The following DMRT1 variants were observed in gnomAD, a reference collection of about 807,000 sequenced individuals.
DMRT1 encodes doublesex- and mab-3-related transcription factor 1.
Under a neutral mutation model 32.3 loss-of-function variants are expected in DMRT1, and 7 were observed. The ratio of observed to expected loss-of-function variants is 0.22; its 90% CI spans 0.12 to 0.41. The LOEUF is 0.41. DMRT1 is among the 10% of genes least tolerant of loss of function. DMRT1 has a pLI of 1.00. For synonymous variants in DMRT1, 278 were observed against 206.1 expected (o/e 1.35, Z -2.99); for missense variants, 625 against 500.5 (o/e 1.25, Z -2.37).
intron 3 of DMRT1, among the ~76,000 whole-genome samples, chr9:909,223 A>G (rs1294564454): frequency 6.6e-6 from 1 of 152,142 alleles, no homozygotes; most frequent in East Asian, 1.9e-4. Flanking sequence ...CGCTGTGGGA[A>G]TCTGCTTGGG....
intron 4 of DMRT1, among the ~76,000 whole-genome samples, 182 bp from the exon 5 acceptor site, chr9:967,803 T>C (rs909586690): frequency 7.2e-5 from 11 of 152,242 alleles, no homozygotes; most frequent in Non-Finnish European, 1.2e-4. Context: ...TATTTTTTTA[T>C]TCTAAAGAAA....
intron 4 of DMRT1, among the ~76,000 whole-genome samples, chr9:955,726 T>G (rs965662450): frequency 6.6e-6 from 1 of 152,164 alleles, no homozygotes; most frequent in Non-Finnish European, 1.5e-5. Flanking sequence ...AGCAAAAAAC[T>G]AAATCCTGCG....
intron 4 of DMRT1, among the ~76,000 whole-genome samples, chr9:966,055 A>C (rs918625173): frequency 2.0e-5 from 3 of 152,212 alleles, no homozygotes; most frequent in African/African-American, 7.2e-5. Flanking sequence ...GGAAGCTCTT[A>C]GTCGGCTCTC....
intron 4 of DMRT1, among the ~76,000 whole-genome samples, chr9:943,390 G>GT (rs1819141119): frequency 6.6e-6 from 1 of 152,198 alleles, no homozygotes; most frequent in Non-Finnish European, 1.5e-5. Flanking sequence ...CTCCATGCAG[G>GT]TTGCTGTCAC....
At chr9:850,895 G>T (rs1839117122) in intron 2 of DMRT1, among the ~76,000 whole-genome samples, 1 of 152,028 alleles carries the variant, frequency 6.6e-6, no homozygotes, top group African/African-American at 2.4e-5. Context: ...TGGGCATGGT[G>T]GCACACGCCT....
intron 3 of DMRT1, among the ~76,000 whole-genome samples, chr9:901,906 T>C (rs1476493581): frequency 1.6e-5 from 2 of 127,432 alleles, no homozygotes; most frequent in Admixed American, 9.4e-5. Flanking sequence ...CAAGTGAAAC[T>C]AGCCCTTTTT....
chr9:853,475 ATT>A (rs1318941683), intron 2 of DMRT1, among the ~76,000 whole-genome samples: 3 of 144,382 alleles, frequency 2.1e-5, no homozygotes, highest in Admixed American at 6.9e-5. Context: ...TATTTAATTA[ATT>A]TTTTTTTTTT....
chr9:843,874 G>C (rs998510253), intron 1 of DMRT1, among the ~76,000 whole-genome samples: 25 of 152,194 alleles, frequency 1.6e-4, no homozygotes, highest in Non-Finnish European at 2.9e-4. Context: ...GTGCAGTCAT[G>C]AAAATAGATA....
At position 853,840 on chromosome 9, in the gene DMRT1, G is replaced by T. The variant is rs555444123; in HGVS notation, c.538+6697G>T. Among the ~76,000 whole-genome samples, 23 of 152,124 alleles carry T rather than the reference G, an allele frequency of 1.5e-4. No homozygotes were observed. In the South Asian group the frequency reaches 4.6e-3, roughly 30 times the overall value. On this transcript the variant is annotated intron_variant, in intron 2 of 4. Coordinates refer to ENST00000382276, the MANE Select transcript of DMRT1 (RefSeq NM_021951.3). ...AGACAGGGTCTCATTCTGTCTCCCAGGCTGGAGTGTAGTGGCTCCATCATG... is the reference window on the plus strand; with the variant it reads ...AGACAGGGTCTCATTCTGTCTCCCATGCTGGAGTGTAGTGGCTCCATCATG...
chr9:921,961 G>T (rs1818368051), intron 4 of DMRT1, among the ~76,000 whole-genome samples: 1 of 152,146 alleles, frequency 6.6e-6, no homozygotes, highest in African/African-American at 2.4e-5. Context: ...GCTCACTGTA[G>T]CATCAACTTT....
At chr9:860,974 GGTTGGGA>G (rs1312504956) in intron 2 of DMRT1, among the ~76,000 whole-genome samples, 3 of 152,168 alleles carry the variant, frequency 2.0e-5, no homozygotes, top group African/African-American at 7.2e-5. Context: ...CCACGGAAAG[GGTTGGGA>G]GTTTAGCATG....
chr9:911,485 T>G (rs1479477425), intron 3 of DMRT1, among the ~76,000 whole-genome samples: 8,143 of 77,232 alleles, frequency 0.11, 694 homozygotes, highest in African/African-American at 0.3. Context: ...TTTTTTTTTT[T>G]TTTTTTTTTT....
At chr9:884,831 A>C (rs978990091) in intron 2 of DMRT1, among the ~76,000 whole-genome samples, 34 of 152,080 alleles carry the variant, frequency 2.2e-4, no homozygotes, top group African/African-American at 8.2e-4. Context: ...TTAGCCAGGC[A>C]CGGTGGTGCG....
chr9:852,236 C>T (rs12346605), intron 2 of DMRT1, among the ~76,000 whole-genome samples: 35,135 of 151,012 alleles, frequency 0.23, 5,050 homozygotes, highest in East Asian at 0.43. Flanking sequence ...CGTGCCTGGC[C>T]GCAGGTACAC....
chr9:954,051 G>A (rs189432908), intron 4 of DMRT1, among the ~76,000 whole-genome samples: 1 of 152,244 alleles, frequency 6.6e-6, no homozygotes, highest in Admixed American at 6.5e-5. Context: ...GGAGATTGGG[G>A]AAAGTCTGTG....
At chr9:874,712 C>G (rs1418004894) in intron 2 of DMRT1, among the ~76,000 whole-genome samples, 5 of 151,886 alleles carry the variant, frequency 3.3e-5, no homozygotes, top group African/African-American at 9.7e-5. Context: ...AAAGGAACTT[C>G]CTTCTTGGCT....
intron 3 of DMRT1, among the ~76,000 whole-genome samples, chr9:902,856 C>T (rs765876373): frequency 1.6e-4 from 25 of 152,058 alleles, no homozygotes; most frequent in Non-Finnish European, 3.5e-4. Context: ...GGAATTCATT[C>T]ACAGGAACCC....
chr9:932,091 A>G (rs949897830), intron 4 of DMRT1, among the ~76,000 whole-genome samples: 21 of 152,150 alleles, frequency 1.4e-4, no homozygotes, highest in African/African-American at 5.1e-4. Flanking sequence ...TAGAGAACGC[A>G]GTGGTCACTC....
chr9:904,167 G>C (rs1817687208), intron 3 of DMRT1, among the ~76,000 whole-genome samples: 2 of 152,194 alleles, frequency 1.3e-5, no homozygotes, highest in Non-Finnish European at 2.9e-5. Context: ...TAATTGGCTT[G>C]AAATTTAGAT....
Sources: gnomAD v4.1 joint callset for allele counts (sites outside exome capture counted in the v4.1 genomes callset) on GRCh38, gnomAD v4.1.1 for gene constraint, MANE v1.5 for transcripts, NCBI Gene and HGNC (gene_info 2026-07-23, HGNC 2026-07-21) for gene names.